Variants in PEDS1 observed in about 807,000 individuals in gnomAD.
PEDS1 encodes CarF homolog.
PEDS1 carries 14 observed loss-of-function variants against 35.2 expected under a neutral mutation model. The observed-to-expected ratio is 0.40, with a 90% CI of 0.26 to 0.62. The LOEUF (loss-of-function observed/expected upper bound fraction) is 0.62, where lower values mean the gene tolerates loss of function less well. Ranked by LOEUF, PEDS1 falls within the 20% of genes least tolerant of loss-of-function variation. PEDS1 has a pLI of 0.44. For missense variants in PEDS1, 260 were observed against 367.8 expected (o/e 0.71, Z 2.40); for synonymous variants, 152 against 152.0 (o/e 1.00, Z 0.00).
At chr20:50,150,445 C>T (rs2081391202) in intron 1 of PEDS1, among the ~76,000 whole-genome samples, 1 of 152,132 alleles carries the variant, frequency 6.6e-6, no homozygotes, top group Non-Finnish European at 1.5e-5. Context: ...CTGGACCAAC[C>T]CTTCTTCAAA....
chr20:50,144,506 G>C (rs1219798557), intron 1 of PEDS1, among the ~76,000 whole-genome samples: 1 of 152,226 alleles, frequency 6.6e-6, no homozygotes, highest in Non-Finnish European at 1.5e-5. Flanking sequence ...CAGAGCTTCT[G>C]ATTCCCAAGA....
At chr20:50,139,372 C>A (rs1263063927) in intron 2 of PEDS1, among the ~76,000 whole-genome samples, 1 of 152,188 alleles carries the variant, frequency 6.6e-6, no homozygotes, top group Non-Finnish European at 1.5e-5. Context: ...TGGCTGATGA[C>A]CTCCACGTGG....
intron 2 of PEDS1, among the ~76,000 whole-genome samples, chr20:50,139,327 C>A (rs1039037520): frequency 1.6e-4 from 24 of 152,194 alleles, no homozygotes; most frequent in African/African-American, 5.1e-4. Context: ...CACTTGTTCA[C>A]CCACTCACTC....
At position 50,125,195 on chromosome 20, in the gene PEDS1, C is replaced by T. The variant is rs765169000; in HGVS notation, c.692-16G>A. On this transcript the variant is annotated splice_polypyrimidine_tract_variant and intron_variant, in intron 5 of 5. Transcript: ENST00000371652. ...TTGAGCCAGCCTGCAGTAGAAATGG[C>T]AGCGGGAGTTTGAATGGGAGAGAGT... 19 of 1,612,742 alleles carry T rather than the reference C, an allele frequency of 1.2e-5. No individual in the cohort carries two copies. Among genetic ancestry groups the T allele is most frequent in the Non-Finnish European group, 1.3e-5 (15 of 1,179,048 alleles).
chr20:50,120,192 G>T lies in PEDS1; in HGVS notation c.*4866C>A. 6.1e-6 allele frequency: 1 copy of T among 162,944 alleles called. No homozygotes were observed. The highest frequency in any genetic ancestry group is 1.7e-4 in the South Asian group (1 of 5,988). The allele number at this position is 162,944 out of a possible 1,614,324, so 10.1% of individuals were successfully genotyped here. On this transcript the variant is annotated 3_prime_UTR_variant, in exon 6 of 6. Coordinates refer to ENST00000371652, the MANE Select transcript of PEDS1 (RefSeq NM_199129.4). ...AGGTGGGAGGATCACTTGAGCCCAG[G>T]AGTCTGAGGTTACAGTGAGCTGTGA...
chr20:50,127,146 C>T (rs1467948573), intron 5 of PEDS1, among the ~76,000 whole-genome samples: 1 of 152,168 alleles, frequency 6.6e-6, no homozygotes, highest in Admixed American at 6.5e-5. Flanking sequence ...CTCAGCTCCT[C>T]GGGGTCTTTG....
At chr20:50,148,790 G>A (rs922993987) in intron 1 of PEDS1, among the ~76,000 whole-genome samples, 3 of 151,944 alleles carry the variant, frequency 2.0e-5, no homozygotes, top group Non-Finnish European at 4.4e-5. Flanking sequence ...AGAGATGAGA[G>A]ACAAATAAGG....
In PEDS1 at chr20:50,118,616, ACT is replaced by A. The variant is rs942576521; in HGVS notation, c.*6440_*6441del. The A allele has an allele frequency of 6.6e-6, 1 of 151,880 alleles. No individual in the cohort carries two copies. The highest frequency in any genetic ancestry group is 2.4e-5 in the African/African-American group (1 of 41,392). 9.4% of individuals were successfully genotyped at this position (151,880 alleles called of 1,614,324 possible). A position where few individuals can be genotyped will look rare whatever the true frequency, so the allele number is the denominator to read the frequency against. ...CAGTGATTTGAAGCTATACGTTTTT[ACT>A]TTTTTTTTGTTTTTTTTTTGAGACA... On this transcript the variant is annotated 3_prime_UTR_variant, in exon 6 of 6. Coordinates refer to ENST00000371652, the MANE Select transcript of PEDS1 (RefSeq NM_199129.4).
At chr20:50,125,266 G>A (rs568853124) in intron 5 of PEDS1, 87 bp from the exon 6 acceptor site, 2 of 1,532,364 alleles carry the variant, frequency 1.3e-6, no homozygotes, top group Non-Finnish European at 1.8e-6. Context: ...TGGGCTGGAG[G>A]GGCCCAATGA....
intron 2 of PEDS1, chr20:50,131,156 C>G (rs1283727012): frequency 1.0e-5 from 13 of 1,267,990 alleles, no homozygotes; most frequent in Admixed American, 9.9e-5. Context: ...GATGCCAAGA[C>G]TCATGTGCTT....
At chr20:50,150,402 C>T (rs1042036452) in intron 1 of PEDS1, among the ~76,000 whole-genome samples, 2 of 152,192 alleles carry the variant, frequency 1.3e-5, no homozygotes, top group African/African-American at 2.4e-5. Flanking sequence ...CAAGCTCCCA[C>T]CTCAGGGTCT....
Position 50,153,604 on chromosome 20 carries a change from G to A in PEDS1, c.34C>T (p.Leu12=), listed in dbSNP as rs1280935674. 4 of 1,396,282 alleles carry A rather than the reference G, an allele frequency of 2.9e-6. No homozygotes were observed. The East Asian group carries it at 1.2e-4, about 43-fold the overall frequency. 86.5% of individuals were successfully genotyped at this position (1,396,282 alleles called of 1,614,324 possible). ...AGAENWPGQQ[L]ELDEDEASCC... is the part of the protein sequence containing the mutation. Reference sequence around the variant, plus strand: ...GACGCCTCGTCCTCGTCCAGCTCCAGCTGCTGGCCCGGCCAGTTCTCGGCG... The same window carrying A: ...GACGCCTCGTCCTCGTCCAGCTCCAACTGCTGGCCCGGCCAGTTCTCGGCG... Residue 12 remains leucine, a synonymous_variant, in exon 1 of 6, where the codon CTG becomes TTG. Coordinates refer to ENST00000371652, the MANE Select transcript of PEDS1 (RefSeq NM_199129.4).
intron 5 of PEDS1, among the ~76,000 whole-genome samples, chr20:50,126,015 A>G (rs1365786082): frequency 6.6e-6 from 1 of 152,132 alleles, no homozygotes; most frequent in Non-Finnish European, 1.5e-5. Flanking sequence ...GTGAACCACC[A>G]TGACAGGCCA....
intron 1 of PEDS1, among the ~76,000 whole-genome samples, chr20:50,148,562 G>A (rs1399630327): frequency 6.6e-6 from 1 of 152,186 alleles, no homozygotes; most frequent in African/African-American, 2.4e-5. Flanking sequence ...GAAGAGCAGG[G>A]GAGGCCTGGG....
chr20:50,138,740 A>G (rs2081261395), intron 2 of PEDS1, among the ~76,000 whole-genome samples: 1 of 152,244 alleles, frequency 6.6e-6, no homozygotes, highest in South Asian at 2.1e-4. Flanking sequence ...ACAGGCACAC[A>G]GAAGCCTCTT....
rs551556945 is a variant in PEDS1 at position 50,124,089 on chromosome 20, C to G, written c.*969G>C. The G allele has an allele frequency of 4.5e-4, 68 of 152,696 alleles. 1 individual carries two copies. The highest frequency in any genetic ancestry group is 1.6e-3 in the African/African-American group (68 of 41,556). The allele number at this position is 152,696 out of a possible 1,614,324, so 9.5% of individuals were successfully genotyped here. On this transcript the variant is annotated 3_prime_UTR_variant, in exon 6 of 6. Transcript: ENST00000371652. ...GGGTTGGGGGGAGCTGGGAATGGGG[C>G]GAGAGTGGGGCCTCACGTCCCAGGC...
intron 2 of PEDS1, among the ~76,000 whole-genome samples, chr20:50,142,390 A>G (rs1569048568): frequency 6.6e-6 from 1 of 152,126 alleles, no homozygotes; most frequent in Non-Finnish European, 1.5e-5. Context: ...ATAAACAAAT[A>G]AAGACACTGT....
chr20:50,127,953 T>G (rs773114135), intron 5 of PEDS1, 22 bp downstream of exon 5: 1 of 1,609,070 alleles, frequency 6.2e-7, no homozygotes, highest in South Asian at 1.1e-5. Flanking sequence ...GAAAGCCCAT[T>G]CCACGCCACT....
At position 50,124,915 on chromosome 20, in the gene PEDS1, A is replaced by T; in HGVS notation, c.*143T>A. 1 of 1,032,346 alleles carries T rather than the reference A, an allele frequency of 9.7e-7. No homozygotes were observed. Among genetic ancestry groups the T allele is most frequent in the Non-Finnish European group, 1.4e-6 (1 of 705,274 alleles). 63.9% of individuals were successfully genotyped at this position (1,032,346 alleles called of 1,614,324 possible). The stretch of plus-strand genomic sequence containing the variant: ...AGTGGCTCAAGTATTCTGTGTCATG[A>T]GGGGTGGGCTGGGGTACCTGGGCCC... On this transcript the variant is annotated 3_prime_UTR_variant, in exon 6 of 6. Transcript: ENST00000371652.
Sources: allele counts gnomAD v4.1 joint callset (sites outside exome capture counted in the v4.1 genomes callset), GRCh38; gene constraint gnomAD v4.1.1; transcripts MANE v1.5; gene names NCBI Gene and HGNC (gene_info 2026-07-23, HGNC 2026-07-21).